NID1: variants seen among roughly 807,000 people sequenced by gnomAD.
NID1 encodes nidogen 1, also known as nidogen-1.
NID1 carries 76 observed loss-of-function variants against 130.6 expected under a neutral mutation model. The observed-to-expected ratio is 0.58, with a 90% confidence interval of 0.48 to 0.70. The LOEUF (loss-of-function observed/expected upper bound fraction) is 0.70, where lower values mean the gene tolerates loss of function less well. Ranked by LOEUF, NID1 falls within the 30% of genes least tolerant of loss-of-function variation. NID1 has a pLI of 0.00. For missense variants in NID1, 1,517 were observed against 1,664.8 expected (o/e 0.91, Z 1.54); for synonymous variants, 665 against 675.1 (o/e 0.98, Z 0.23).
intron 5 of NID1, among the ~76,000 whole-genome samples, chr1:236,033,188 G>A (rs907132479): frequency 2.6e-5 from 4 of 152,154 alleles, no homozygotes; most frequent in Non-Finnish European, 5.9e-5. Flanking sequence ...GGTGCCTGTA[G>A]TCCCAGCTAC....
intron 12 of NID1, among the ~76,000 whole-genome samples, chr1:235,995,295 G>A (rs1368168824): frequency 6.6e-6 from 1 of 152,202 alleles, no homozygotes; most frequent in Non-Finnish European, 1.5e-5. Flanking sequence ...TAAAGTACAT[G>A]GGAGGGTGTG....
intron 12 of NID1, among the ~76,000 whole-genome samples, chr1:236,007,465 C>T (rs1658283954): frequency 6.6e-6 from 1 of 152,148 alleles, no homozygotes; most frequent in Non-Finnish European, 1.5e-5. Flanking sequence ...GGGCAGACCC[C>T]TGTCACACTG....
At position 235,977,855 on chromosome 1, in the gene NID1, G is replaced by A; in HGVS notation, c.*12C>T. The A allele has an allele frequency of 6.2e-7, 1 of 1,613,412 alleles. No individual in the cohort carries two copies. Among genetic ancestry groups the A allele is most frequent in the Non-Finnish European group, 8.5e-7 (1 of 1,179,686 alleles). The stretch of plus-strand genomic sequence containing the variant: ...GTGAAATACTTGGAAAGGAAATAAG[G>A]CACTCTTGTCTTCATTTCTGTTCGA... On this transcript the variant is annotated 3_prime_UTR_variant, in exon 20 of 20. Transcript: ENST00000264187.
chr1:236,046,510 G>A (rs890316252), intron 2 of NID1, among the ~76,000 whole-genome samples: 4 of 152,056 alleles, frequency 2.6e-5, no homozygotes, highest in Admixed American at 2.0e-4. Context: ...GGAGGGCCCA[G>A]TCTGAATGAA....
At chr1:235,980,424 A>G in intron 17 of NID1, 72 bp downstream of exon 17, 2 of 1,515,542 alleles carry the variant, frequency 1.3e-6, no homozygotes, top group Non-Finnish European at 1.8e-6. Flanking sequence ...ATTTGACCCC[A>G]GGGCCCTAGT....
At chr1:235,997,742 G>A (rs12136124) in intron 12 of NID1, among the ~76,000 whole-genome samples, 1 of 151,896 alleles carries the variant, frequency 6.6e-6, no homozygotes, top group South Asian at 2.1e-4. Flanking sequence ...GAGTAGCTGA[G>A]ACTACAGGTG....
intron 12 of NID1, among the ~76,000 whole-genome samples, chr1:236,007,491 G>A (rs1490222730): frequency 1.3e-5 from 2 of 152,146 alleles, no homozygotes; most frequent in Non-Finnish European, 2.9e-5. Flanking sequence ...GGGATGGCCC[G>A]AGACTGATGG....
intron 1 of NID1, among the ~76,000 whole-genome samples, chr1:236,060,333 C>T (rs190575628): frequency 6.6e-6 from 1 of 152,078 alleles, no homozygotes; most frequent in Non-Finnish European, 1.5e-5. Flanking sequence ...TCACTCTCAT[C>T]GCCGTCTTGG....
chr1:235,988,689 G>T (rs1388429089), intron 14 of NID1, among the ~76,000 whole-genome samples: 2 of 152,112 alleles, frequency 1.3e-5, no homozygotes, highest in Non-Finnish European at 2.9e-5. Context: ...TCAGCCTTAA[G>T]AAAGAAGGAA....
rs562243335 is a variant in NID1, at chr1:236,025,932, G to A, written c.1948C>T (p.Arg650Cys). 8 of 1,613,996 alleles carry A rather than the reference G, an allele frequency of 5.0e-6. No individual in the cohort carries two copies. The highest frequency in any genetic ancestry group is 3.3e-5 in the South Asian group (3 of 91,064). Reference sequence around the variant, plus strand: ...CCAATGGAGTTGCTGAGAGCATAGCGCAAGATCTTCTCCTCCTGGTTGTAC... The same window carrying A: ...CCAATGGAGTTGCTGAGAGCATAGCACAAGATCTTCTCCTCCTGGTTGTAC... ...VLYNQEEKILRYALSNSIGPV... is the reference protein window; with the variant it reads ...VLYNQEEKILCYALSNSIGPV... The change falls in exon 8 of 20, where the codon CGC becomes TGC. Residue 650 changes from arginine to cysteine, a missense_variant. Transcript: ENST00000264187.
intron 1 of NID1, among the ~76,000 whole-genome samples, chr1:236,062,529 G>A (rs942321166): frequency 2.6e-5 from 4 of 151,736 alleles, no homozygotes; most frequent in Non-Finnish European, 5.9e-5. Flanking sequence ...AGCTACTCGG[G>A]AGGCTGAGGC....
intron 6 of NID1, 87 bp from the exon 7 acceptor site, chr1:236,029,837 G>T: frequency 7.7e-7 from 1 of 1,305,460 alleles, no homozygotes; most frequent in Non-Finnish European, 1.1e-6. Flanking sequence ...AGTGGGGTTG[G>T]TGCGAACGCT....
intron 8 of NID1, among the ~76,000 whole-genome samples, chr1:236,024,554 T>G (rs1324062497): frequency 6.6e-6 from 1 of 152,264 alleles, no homozygotes; most frequent in African/African-American, 2.4e-5. Flanking sequence ...TCACCAAGAA[T>G]GCACTGACTC....
intron 12 of NID1, among the ~76,000 whole-genome samples, chr1:236,007,104 G>GC (rs1315447396): frequency 6.6e-6 from 1 of 152,146 alleles, no homozygotes; most frequent in Non-Finnish European, 1.5e-5. Flanking sequence ...GCTCACTGCA[G>GC]CCTTGAACTC....
chr1:236,045,740 GT>G, intron 2 of NID1, 57 bp from the exon 3 acceptor site: 1 of 1,339,722 alleles, frequency 7.5e-7, no homozygotes, highest in South Asian at 1.3e-5. Context: ...ATTTTAAAAT[GT>G]GTTATTCGCC....
chr1:235,991,675 C>T (rs1415734684), intron 13 of NID1, among the ~76,000 whole-genome samples: 1 of 151,774 alleles, frequency 6.6e-6, no homozygotes, highest in Non-Finnish European at 1.5e-5. Context: ...CCATGCTCTG[C>T]TTTAGGCACT....
chr1:236,000,219 A>AAAC (rs936856430), intron 12 of NID1, among the ~76,000 whole-genome samples: 9 of 152,028 alleles, frequency 5.9e-5, no homozygotes, highest in South Asian at 2.1e-4. Flanking sequence ...ATCTCAATTA[A>AAAC]AACAACAACA....
At chr1:236,042,947 A>G (rs548309101) in intron 3 of NID1, among the ~76,000 whole-genome samples, 44 of 152,308 alleles carry the variant, frequency 2.9e-4, no homozygotes, top group Non-Finnish European at 5.3e-4. Context: ...CTGGAGATTG[A>G]GTCAATCACC....
At chr1:235,982,478 T>G (rs988824763) in intron 15 of NID1, among the ~76,000 whole-genome samples, 1 of 152,112 alleles carries the variant, frequency 6.6e-6, no homozygotes, top group Admixed American at 6.5e-5. Flanking sequence ...AAATAATACT[T>G]TCAAGAAACC....
Sources: allele counts gnomAD v4.1 joint callset (sites outside exome capture counted in the v4.1 genomes callset), GRCh38; gene constraint gnomAD v4.1.1; transcripts MANE v1.5; gene names NCBI Gene and HGNC (gene_info 2026-07-23, HGNC 2026-07-21).